The following ZNF469 variants were observed in gnomAD, a reference collection of about 807,000 sequenced individuals.
ZNF469 encodes zinc finger protein 469.
ZNF469 carries 1 observed loss-of-function variant against 1.0 expected under a neutral mutation model. That is an observed-to-expected ratio of 1.00 (90% CI 0.35 to 4.73). The LOEUF is 4.73. Among genes scored for constraint, ZNF469 ranks in the 30% most tolerant of loss-of-function variants. ZNF469 has a pLI of 0.16. For missense variants in ZNF469, 6,100 were observed against 5,356.3 expected, an observed-to-expected ratio of 1.14 and a Z score of -4.33; for synonymous variants, 2,703 against 2,363.4, an observed-to-expected ratio of 1.14 and a Z score of -4.17.
chr16:88,186,565 C>T, the ZNF469 span, among the ~76,000 whole-genome samples: 1 of 152,200 alleles, frequency 6.6e-6, no homozygotes. Context: ...CCAGAGGGGA[C>T]CCGCAGGGAC....
the ZNF469 span, among the ~76,000 whole-genome samples, chr16:88,214,389 G>T: frequency 6.6e-6 from 1 of 152,036 alleles, no homozygotes; most frequent in South Asian, 2.1e-4. Context: ...GGGGAGTCAG[G>T]GTGACTCTGG....
rs988999388 is a variant in ZNF469 at position 88,435,364 on chromosome 16, A to G, written c.7894A>G (p.Asn2632Asp). Reference sequence around the variant, plus strand: ...TCCTAGCCACTCAGAGGGGAAGTCAAATAAGAAAAGGGGAAAGCTGAGAGG... The same window carrying G: ...TCCTAGCCACTCAGAGGGGAAGTCAGATAAGAAAAGGGGAAAGCTGAGAGG... ...DSPSHSEGKS[N>D]KKRGKLRGRR... is the part of the protein sequence containing the mutation. Residue 2632 changes from asparagine to aspartate, a missense_variant, in exon 3 of 3, where the codon AAT (asparagine) becomes GAT (aspartate). Asn to Asp is a conservative substitution (Grantham distance 23). Transcript: ENST00000565624. 1.9e-6 allele frequency: 3 copies of G among 1,550,398 alleles called. No homozygotes were observed. The highest frequency in any genetic ancestry group is 4.9e-5 in the East Asian group (2 of 40,922).
the ZNF469 span, among the ~76,000 whole-genome samples, chr16:88,252,020 C>T: frequency 2.0e-5 from 3 of 150,214 alleles, no homozygotes; most frequent in Non-Finnish European, 4.5e-5. Flanking sequence ...CCAGTGAGTA[C>T]TCCTGAATTT....
chr16:88,429,703 G>A lies in ZNF469; in HGVS notation c.2233G>A (p.Ala745Thr). Residue 745 changes from alanine to threonine, a missense_variant, in exon 3 of 3, where the codon GCC becomes ACC. Physicochemically the swap from Ala to Thr is moderately conservative, Grantham distance 58. Transcript: ENST00000565624. ...TGACCGCAACTACAGCAGCCTGGCGGCCTTCCTGGCCCACCGGCAGTTCTG... is the reference window on the plus strand; with the variant it reads ...TGACCGCAACTACAGCAGCCTGGCGACCTTCCTGGCCCACCGGCAGTTCTG... Reference protein sequence around the residue: ...QCDRNYSSLAAFLAHRQFCGL... With the variant: ...QCDRNYSSLATFLAHRQFCGL... The A allele has an allele frequency of 6.5e-7, 1 of 1,542,574 alleles. No individual in the cohort carries two copies. The highest frequency in any genetic ancestry group is 8.8e-7 in the Non-Finnish European group (1 of 1,142,164).
chr16:88,274,789 G>A, the ZNF469 span, among the ~76,000 whole-genome samples: 6 of 152,324 alleles, frequency 3.9e-5, 1 homozygote, highest in South Asian at 6.2e-4. Flanking sequence ...AGGACTCGCC[G>A]TATTGCCTTA....
chr16:88,296,238 T>C, the ZNF469 span, among the ~76,000 whole-genome samples: 2 of 152,146 alleles, frequency 1.3e-5, no homozygotes, highest in East Asian at 3.9e-4. Flanking sequence ...GGGGCCAGCC[T>C]GGCGGGGACA....
At chr16:88,256,847 TCTTC>T in the ZNF469 span, among the ~76,000 whole-genome samples, 2 of 129,962 alleles carry the variant, frequency 1.5e-5, no homozygotes. Flanking sequence ...TTCCTTCCTT[TCTTC>T]CTTCCTTTTT....
chr16:88,376,920 C>T, the ZNF469 span, among the ~76,000 whole-genome samples: 2 of 152,202 alleles, frequency 1.3e-5, no homozygotes, highest in Admixed American at 1.3e-4. Flanking sequence ...GCCCCGAGGC[C>T]CCCGAGGGCC....
chr16:88,283,173 C>G, the ZNF469 span, among the ~76,000 whole-genome samples: 1 of 151,936 alleles, frequency 6.6e-6, no homozygotes, highest in East Asian at 1.9e-4. Flanking sequence ...GGGGAGGGGA[C>G]TGGGAAGGAA....
chr16:88,342,108 G>T, the ZNF469 span, among the ~76,000 whole-genome samples: 6 of 152,096 alleles, frequency 3.9e-5, no homozygotes, highest in Non-Finnish European at 8.8e-5. Flanking sequence ...AGGCCGGTGG[G>T]AGAGGCCGGG....
At chr16:88,167,096 C>G in the ZNF469 span, among the ~76,000 whole-genome samples, 50 of 121,368 alleles carry the variant, frequency 4.1e-4, no homozygotes, top group African/African-American at 1.6e-3. Context: ...GAAATCCCAT[C>G]TGTCCTCCAG....
the ZNF469 span, among the ~76,000 whole-genome samples, chr16:88,184,370 T>A: frequency 6.6e-6 from 1 of 152,160 alleles, no homozygotes; most frequent in South Asian, 2.1e-4. Flanking sequence ...GCGCCGTGAT[T>A]AAACGTATGA....
At chr16:88,326,132 C>A in the ZNF469 span, among the ~76,000 whole-genome samples, 1 of 152,232 alleles carries the variant, frequency 6.6e-6, no homozygotes, top group Non-Finnish European at 1.5e-5. Flanking sequence ...GGCTGTGTCC[C>A]CACCCAAATC....
chr16:88,120,601 A>G, the ZNF469 span, among the ~76,000 whole-genome samples: 1 of 152,206 alleles, frequency 6.6e-6, no homozygotes, highest in Non-Finnish European at 1.5e-5. Flanking sequence ...GCCCTCAACC[A>G]GGGACGGAGC....
the ZNF469 span, among the ~76,000 whole-genome samples, chr16:88,358,626 C>G: frequency 2.0e-5 from 3 of 152,172 alleles, no homozygotes; most frequent in East Asian, 5.8e-4. Flanking sequence ...GCAGAGAACG[C>G]CAGGTCTCTG....
chr16:88,433,857 C>T lies in ZNF469; in HGVS notation c.6387C>T (p.Pro2129=). 1.3e-6 allele frequency: 2 copies of T among 1,549,476 alleles called. No individual in the cohort carries two copies. The highest frequency in any genetic ancestry group is 8.7e-7 in the Non-Finnish European group (1 of 1,146,534). Residue 2129 remains proline (P), a synonymous_variant, in exon 3 of 3, where the codon CCC becomes CCT. Transcript: ENST00000565624. ...SAAHMPCSLG[P]LPREDPLTSP... is the part of the protein sequence containing the mutation. ...CCCACATGCCCTGCAGCCTTGGGCC[C>T]CTGCCCCGTGAAGACCCACTTACCT...
intron 1 of ZNF469, among the ~76,000 whole-genome samples, chr16:88,397,621 G>GTGGA (rs1232390376): frequency 1.3e-3 from 192 of 147,050 alleles, no homozygotes; most frequent in African/African-American, 4.7e-3. Flanking sequence ...GGATGGATGG[G>GTGGA]TGGATGGATG....
At chr16:88,224,758 T>C in the ZNF469 span, among the ~76,000 whole-genome samples, 72 of 151,172 alleles carry the variant, frequency 4.8e-4, no homozygotes, top group African/African-American at 1.7e-3. Flanking sequence ...AGTGTGCACG[T>C]GTGTGTCTGT....
the ZNF469 span, among the ~76,000 whole-genome samples, chr16:88,193,117 ATGGTGGTGG>A: frequency 4.1e-3 from 278 of 67,292 alleles, 10 homozygotes; most frequent in Middle Eastern, 9.6e-3. Flanking sequence ...GGTGGTGGTG[ATGGTGGTGG>A]TGGTGATGGT....
Sources: gnomAD v4.1 joint callset for allele counts (sites outside exome capture counted in the v4.1 genomes callset) on GRCh38, gnomAD v4.1.1 for gene constraint, MANE v1.5 for transcripts, NCBI Gene and HGNC (gene_info 2026-07-23, HGNC 2026-07-21) for gene names.